Variants in RBFOX1 observed in about 807,000 individuals in gnomAD.
RBFOX1 encodes RNA binding fox-1 homolog 1.
Under a neutral mutation model 57.7 loss-of-function variants are expected in RBFOX1, and 8 were observed. The observed-to-expected ratio is 0.14, with a 90% CI of 0.08 to 0.25. RBFOX1 has a LOEUF of 0.25. RBFOX1 is among the 10% of genes least tolerant of loss of function. The pLI is 1.00. For missense variants in RBFOX1, 611 were observed against 548.5 expected (o/e 1.11, Z -1.14); for synonymous variants, 326 against 222.4 (o/e 1.47, Z -4.15).
Position 7,607,351 on chromosome 16 carries a change from T to C in RBFOX1, c.676+13T>C, listed in dbSNP as rs2141263747. On this transcript the variant is annotated intron_variant, in intron 10 of 15. Transcript: ENST00000550418. ...GAATTCTATGCAGGTACAGAGTTTC[T>C]CTTTGCACGAAGTCTTCTCAGTCTT... 2 of 1,607,302 alleles carry C rather than the reference T, an allele frequency of 1.2e-6. No individual in the cohort carries two copies. The highest frequency in any genetic ancestry group is 1.7e-6 in the Non-Finnish European group (2 of 1,177,874).
chr16:6,283,590 T>G (rs796387954), intron 1 of RBFOX1, among the ~76,000 whole-genome samples: 15 of 152,238 alleles, frequency 9.9e-5, no homozygotes, highest in African/African-American at 3.6e-4. Flanking sequence ...AGAACTCAGG[T>G]GAGTGAAAAA....
chr16:6,752,483 A>G lies in RBFOX1; in HGVS notation c.-16+97833A>G, dbSNP rs574185972. On this transcript the variant is annotated intron_variant, in intron 3 of 15. Transcript: ENST00000550418. ...GGAATATGACATGCTCTGTCGCTGG[A>G]CCTTGCTATGTGCTGGAAGCTGTGT... Among the ~76,000 whole-genome samples, 4 of 152,276 alleles carry G rather than the reference A, an allele frequency of 2.6e-5. No homozygotes were observed. The East Asian group carries it at 5.8e-4, about 22-fold the overall frequency.
chr16:6,546,168 G>A (rs1403321287), intron 2 of RBFOX1, among the ~76,000 whole-genome samples: 37 of 152,190 alleles, frequency 2.4e-4, no homozygotes, highest in Admixed American at 2.4e-3. Context: ...CCATGGGTTG[G>A]ACAAGCTTGG....
At chr16:6,669,997 A>T (rs1440923333) in intron 3 of RBFOX1, among the ~76,000 whole-genome samples, 1 of 152,022 alleles carries the variant, frequency 6.6e-6, no homozygotes, top group Non-Finnish European at 1.5e-5. Flanking sequence ...AGGAAAATCT[A>T]TCTCTGTCTG....
chr16:7,361,076 G>C (rs561337932), intron 4 of RBFOX1, among the ~76,000 whole-genome samples: 1 of 152,160 alleles, frequency 6.6e-6, no homozygotes, highest in African/African-American at 2.4e-5. Context: ...CTGCCTGCTG[G>C]GGGTTTCTTG....
chr16:7,285,600 G>A (rs1275686490), intron 4 of RBFOX1, among the ~76,000 whole-genome samples: 2 of 149,720 alleles, frequency 1.3e-5, no homozygotes, highest in African/African-American at 4.9e-5. Flanking sequence ...CTATTTATAA[G>A]CTTGGACATT....
intron 1 of RBFOX1, among the ~76,000 whole-genome samples, chr16:5,375,676 C>T (rs1460973102): frequency 6.6e-6 from 1 of 152,224 alleles, no homozygotes; most frequent in Non-Finnish European, 1.5e-5. Flanking sequence ...GTGCCAGGCA[C>T]TGTGCCAGGG....
intron 1 of RBFOX1, among the ~76,000 whole-genome samples, chr16:5,463,798 GAA>G (rs796297997): frequency 5.3e-5 from 6 of 113,852 alleles, no homozygotes; most frequent in African/African-American, 3.2e-5. Flanking sequence ...AGACTGTCTC[GAA>G]AAAAAAAAAA....
At position 7,377,392 on chromosome 16, in the gene RBFOX1, G is replaced by A. The variant is rs139588150; in HGVS notation, c.28-140755G>A. On this transcript the variant is annotated intron_variant, in intron 4 of 15. Transcript: ENST00000550418. ...AGAACCAGGCCTGTTTACCTTATTCGTATGTCATTATAGGTGACACACAGG... is the reference window on the plus strand; with the variant it reads ...AGAACCAGGCCTGTTTACCTTATTCATATGTCATTATAGGTGACACACAGG... 1.8e-4 allele frequency among the ~76,000 whole-genome samples: 27 copies of A among 152,150 alleles called. No homozygotes were observed. The East Asian group carries it at 4.6e-3, about 26-fold the overall frequency.
intron 1 of RBFOX1, among the ~76,000 whole-genome samples, chr16:6,174,316 C>G (rs753712870): frequency 2.6e-5 from 4 of 152,136 alleles, no homozygotes; most frequent in Non-Finnish European, 4.4e-5. Context: ...AAGTTAGGGC[C>G]GGGCACGGTG....
At chr16:6,894,078 C>T (rs892406416) in intron 3 of RBFOX1, among the ~76,000 whole-genome samples, 1 of 151,968 alleles carries the variant, frequency 6.6e-6, no homozygotes, top group Non-Finnish European at 1.5e-5. Context: ...TAGATAGATA[C>T]TGGATCGATT....
intron 1 of RBFOX1, among the ~76,000 whole-genome samples, chr16:5,323,364 G>A (rs1379532600): frequency 3.3e-5 from 5 of 152,078 alleles, no homozygotes; most frequent in African/African-American, 7.2e-5. Flanking sequence ...ATGACCCAAC[G>A]AATTGATTTC....
intron 3 of RBFOX1, among the ~76,000 whole-genome samples, chr16:6,986,225 G>T (rs929207877): frequency 1.1e-5 from 1 of 88,814 alleles, no homozygotes; most frequent in South Asian, 4.6e-4. Context: ...TTCTGAGACA[G>T]AGTCTTGGTC....
intron 2 of RBFOX1, among the ~76,000 whole-genome samples, chr16:5,501,896 A>AT (rs889918973): frequency 8.6e-5 from 13 of 150,918 alleles, no homozygotes; most frequent in East Asian, 5.9e-4. Context: ...TTATTTATTT[A>AT]TTTTTTTTGT....
intron 3 of RBFOX1, among the ~76,000 whole-genome samples, chr16:6,977,990 G>T (rs1191203331): frequency 6.8e-6 from 1 of 147,700 alleles, no homozygotes; most frequent in African/African-American, 2.5e-5. Flanking sequence ...ATGTGTCTTT[G>T]CAAGACACTC....
chr16:5,666,583 A>G (rs2049852038), intron 3 of RBFOX1, among the ~76,000 whole-genome samples: 1 of 152,224 alleles, frequency 6.6e-6, no homozygotes, highest in Non-Finnish European at 1.5e-5. Flanking sequence ...CTAAGCCAAC[A>G]GTGTACTTAA....
At chr16:6,558,371 G>T (rs1027191997) in intron 2 of RBFOX1, among the ~76,000 whole-genome samples, 1 of 152,160 alleles carries the variant, frequency 6.6e-6, no homozygotes, top group African/African-American at 2.4e-5. Context: ...GCTCAGTGCA[G>T]TCTTCTCTTT....
At chr16:6,045,506 C>A (rs543565098) in intron 1 of RBFOX1, among the ~76,000 whole-genome samples, 9 of 152,198 alleles carry the variant, frequency 5.9e-5, no homozygotes, top group Admixed American at 5.9e-4. Flanking sequence ...TTTATTCATT[C>A]ATGCATTCAT....
At chr16:6,840,043 C>G (rs1042729673) in intron 3 of RBFOX1, among the ~76,000 whole-genome samples, 3 of 152,016 alleles carry the variant, frequency 2.0e-5, no homozygotes, top group African/African-American at 7.2e-5. Flanking sequence ...GATAATAAAA[C>G]AAAAATCCGT....
Sources: gnomAD v4.1 joint callset for allele counts (sites outside exome capture counted in the v4.1 genomes callset) on GRCh38, gnomAD v4.1.1 for gene constraint, MANE v1.5 for transcripts, NCBI Gene and HGNC (gene_info 2026-07-23, HGNC 2026-07-21) for gene names.